NCKAP5: variants seen among roughly 807,000 people sequenced by gnomAD.
NCKAP5 encodes the protein nck-associated protein 5.
A neutral mutation model predicts 167.0 loss-of-function variants in NCKAP5; 92 were observed. That is an observed-to-expected ratio of 0.55 (90% confidence interval 0.47 to 0.66). The LOEUF (loss-of-function observed/expected upper bound fraction) is 0.66. NCKAP5 is among the 30% of genes least tolerant of loss of function. The pLI is 0.00. For synonymous variants in NCKAP5, 891 were observed against 877.4 expected, an observed-to-expected ratio of 1.02 and a Z score of -0.27; for missense variants, 2,378 against 2,315.0, an observed-to-expected ratio of 1.03 and a Z score of -0.56.
At chr2:133,079,731 A>C (rs577062855) in intron 6 of NCKAP5, among the ~76,000 whole-genome samples, 1 of 152,172 alleles carries the variant, frequency 6.6e-6, no homozygotes, top group Admixed American at 6.6e-5. Context: ...TCTTTCATCT[A>C]TACATATTAA....
chr2:133,185,411 C>T (rs2084903875), intron 5 of NCKAP5, among the ~76,000 whole-genome samples: 1 of 151,932 alleles, frequency 6.6e-6, no homozygotes, highest in Admixed American at 6.6e-5. Context: ...TCCAGCTATG[C>T]TTCTTTTGCT....
At chr2:133,584,345 A>C in the NCKAP5 span, among the ~76,000 whole-genome samples, 1 of 152,238 alleles carries the variant, frequency 6.6e-6, no homozygotes, top group African/African-American at 2.4e-5. Context: ...AAGGTAATGT[A>C]TCCTGAGAGG....
intron 3 of NCKAP5, among the ~76,000 whole-genome samples, chr2:133,498,480 A>AAGGCAGGCAGGCAGGCAGGC (rs60553398): frequency 9.8e-5 from 10 of 101,806 alleles, no homozygotes; most frequent in African/African-American, 4.9e-4. Context: ...GGAAGGAAGG[A>AAGGCAGGCAGGCAGGCAGGC]AGGCAGGCAG....
chr2:133,078,335 G>T (rs560674658), intron 6 of NCKAP5, among the ~76,000 whole-genome samples: 1 of 152,174 alleles, frequency 6.6e-6, no homozygotes, highest in Non-Finnish European at 1.5e-5. Flanking sequence ...AGGCTGAGGG[G>T]AAACCAGTGT....
chr2:133,162,787 C>A (rs1409755996), intron 5 of NCKAP5, among the ~76,000 whole-genome samples: 2 of 152,090 alleles, frequency 1.3e-5, no homozygotes, highest in African/African-American at 4.8e-5. Context: ...GCTTTCAAAG[C>A]CACTTGTGGC....
At chr2:132,708,722 C>G (rs1688582421) in intron 19 of NCKAP5, among the ~76,000 whole-genome samples, 1 of 152,216 alleles carries the variant, frequency 6.6e-6, no homozygotes, top group Admixed American at 6.5e-5. Flanking sequence ...TATTTGTTTT[C>G]TATTCTTTAG....
At chr2:133,437,328 G>C (rs1056129851) in intron 3 of NCKAP5, among the ~76,000 whole-genome samples, 2 of 150,702 alleles carry the variant, frequency 1.3e-5, no homozygotes, top group East Asian at 2.0e-4. Context: ...ACTCCAGCCT[G>C]GGTGACAGTG....
chr2:133,203,284 G>A (rs560738200), intron 5 of NCKAP5, among the ~76,000 whole-genome samples: 4 of 152,148 alleles, frequency 2.6e-5, no homozygotes, highest in Non-Finnish European at 4.4e-5. Context: ...GCAAACCATC[G>A]CAACGACAGA....
chr2:133,024,611 C>A (rs2078634131), intron 6 of NCKAP5, among the ~76,000 whole-genome samples: 2 of 152,102 alleles, frequency 1.3e-5, no homozygotes, highest in Non-Finnish European at 2.9e-5. Flanking sequence ...ATAATTTCCC[C>A]ATATTGAAAA....
chr2:133,238,930 A>G (rs189930286), intron 4 of NCKAP5, among the ~76,000 whole-genome samples: 6 of 152,324 alleles, frequency 3.9e-5, no homozygotes, highest in Admixed American at 6.5e-5. Flanking sequence ...CTCAGTCTGT[A>G]TGTAACCTGG....
intron 2 of NCKAP5, among the ~76,000 whole-genome samples, chr2:133,547,205 C>T (rs1299426452): frequency 6.6e-6 from 1 of 152,194 alleles, no homozygotes; most frequent in Non-Finnish European, 1.5e-5. Context: ...GATTATATCA[C>T]ACACCTGGCT....
intron 5 of NCKAP5, among the ~76,000 whole-genome samples, chr2:133,140,001 C>T (rs1247817465): frequency 6.6e-6 from 1 of 152,188 alleles, no homozygotes; most frequent in Admixed American, 6.5e-5. Flanking sequence ...AGGCTCAATT[C>T]TCAGCTTGAC....
intron 6 of NCKAP5, among the ~76,000 whole-genome samples, chr2:132,997,435 C>G (rs1032081938): frequency 6.6e-6 from 1 of 152,148 alleles, no homozygotes; most frequent in Non-Finnish European, 1.5e-5. Flanking sequence ...TTAATAATAA[C>G]TCAATCTAAT....
At chr2:133,019,557 G>A (rs2078455330) in intron 6 of NCKAP5, among the ~76,000 whole-genome samples, 1 of 152,114 alleles carries the variant, frequency 6.6e-6, no homozygotes, top group Non-Finnish European at 1.5e-5. Flanking sequence ...ATTTATCTCT[G>A]AACTCTGATT....
chr2:132,859,596 A>G (rs997356791), intron 11 of NCKAP5, among the ~76,000 whole-genome samples: 1 of 152,256 alleles, frequency 6.6e-6, no homozygotes, highest in African/African-American at 2.4e-5. Context: ...AGTGCTGGAC[A>G]GTATCATCCA....
At chr2:133,521,189 A>G (rs992086250) in intron 2 of NCKAP5, among the ~76,000 whole-genome samples, 39 of 152,196 alleles carry the variant, frequency 2.6e-4, no homozygotes, top group Middle Eastern at 3.2e-3. Flanking sequence ...TCCAGGGGGG[A>G]AATGAGTATA....
At chr2:133,412,985 T>C (rs565799820) in intron 3 of NCKAP5, among the ~76,000 whole-genome samples, 1 of 152,300 alleles carries the variant, frequency 6.6e-6, no homozygotes, top group South Asian at 2.1e-4. Context: ...AGAAAAAATT[T>C]GAAGAAAGCA....
chr2:133,239,189 TAGAA>T (rs950318980), intron 4 of NCKAP5, among the ~76,000 whole-genome samples: 1 of 152,198 alleles, frequency 6.6e-6, no homozygotes, highest in Non-Finnish European at 1.5e-5. Flanking sequence ...TTATGTTTAC[TAGAA>T]AGAATTTTTA....
In NCKAP5 at chr2:132,804,946, A is replaced by G. The variant is rs186470210; in HGVS notation, c.808-8217T>C. On this transcript the variant is annotated intron_variant, in intron 11 of 19. Transcript: ENST00000409261. ...TCTATGAAGGGAGGGACGTGATAAC[A>G]TCATTGCTATCTTTTACAAGGCAAA... is the stretch of plus-strand genomic sequence containing the variant. Among the ~76,000 whole-genome samples the G allele has an allele frequency of 2.0e-4, 30 of 152,052 alleles. No homozygotes were observed. The East Asian group carries it at 5.6e-3, about 29-fold the overall frequency.
Sources: allele counts gnomAD v4.1 joint callset (sites outside exome capture counted in the v4.1 genomes callset), GRCh38; gene constraint gnomAD v4.1.1; transcripts MANE v1.5; gene names NCBI Gene and HGNC (gene_info 2026-07-23, HGNC 2026-07-21).